The following UGT2B4 variants were observed in gnomAD, a reference collection of about 807,000 sequenced individuals.
The protein encoded by UGT2B4 is UDP glucuronosyltransferase family 2 member B4, also known as UDP-glucuronosyltransferase 2B4.
UGT2B4 carries 49 observed loss-of-function variants against 49.8 expected under a neutral mutation model. The observed-to-expected ratio is 0.98, with a 90% CI of 0.78 to 1.25. The LOEUF (loss-of-function observed/expected upper bound fraction) is 1.25. Ranked by LOEUF, UGT2B4 falls within the 50% of genes most tolerant of loss-of-function variation. The pLI is 0.00. For missense variants in UGT2B4, 729 were observed against 627.7 expected (o/e 1.16, Z -1.73); for synonymous variants, 246 against 217.7 (o/e 1.13, Z -1.14).
At chr4:69,510,990 CT>C (rs113842049) in intron 1 of UGT2B4, among the ~76,000 whole-genome samples, 44,314 of 105,296 alleles carry the variant, frequency 0.42, 6,964 homozygotes, top group East Asian at 0.72. Context: ...TTCTTTTCTT[CT>C]TTTTTTTTTT....
chr4:69,525,945 C>CA (rs1466784784), exon 1 of UGT2B4: 2 of 191,514 alleles, frequency 1.0e-5, no homozygotes, highest in Non-Finnish European at 2.2e-5. Flanking sequence ...ACTAAAAATA[C>CA]AAAAAATTAG....
At chr4:69,493,350 G>A (rs13145834) in intron 2 of UGT2B4, among the ~76,000 whole-genome samples, 28,540 of 152,010 alleles carry the variant, frequency 0.19, 3,045 homozygotes, top group Non-Finnish European at 0.25. Context: ...TGTAAGGTGT[G>A]TTGGGATAGA....
At chr4:69,521,684 T>A (rs7665255) in intron 1 of UGT2B4, among the ~76,000 whole-genome samples, 31,137 of 152,048 alleles carry the variant, frequency 0.2, 3,361 homozygotes, top group Middle Eastern at 0.27. Context: ...GTGGGTAGAA[T>A]GAGTCCAGCA....
In UGT2B4 at chr4:69,495,477, C is replaced by A; in HGVS notation, c.385G>T (p.Asp129Tyr). The change falls in exon 1 of 6, where the codon GAT (aspartate) becomes TAT (tyrosine). Residue 129 changes from aspartate (D) to tyrosine (Y), a missense_variant. Asp to Tyr is a radical substitution (Grantham distance 160, BLOSUM62 -3). Transcript: ENST00000305107. ...FNDILRKFCK[D>Y]IVSNKKLMKK... ...ATAAGTTTCTTATTTGAAACTATAT[C>A]CTTACAGAACTTTCTAAGTATGTCA... 6.2e-7 allele frequency: 1 copy of A among 1,612,434 alleles called. No homozygotes were observed. Among genetic ancestry groups the A allele is most frequent in the African/African-American group, 1.3e-5 (1 of 75,018 alleles).
At chr4:69,506,679 T>A (rs1250728153) in intron 1 of UGT2B4, among the ~76,000 whole-genome samples, 4 of 151,444 alleles carry the variant, frequency 2.6e-5, no homozygotes, top group Admixed American at 2.6e-4. Context: ...ACTAAACCTA[T>A]TTCAAAGAAT....
intron 1 of UGT2B4, 102 bp from the exon 2 acceptor site, chr4:69,493,943 GTGTT>G (rs982252878): frequency 3.4e-5 from 45 of 1,339,922 alleles, no homozygotes; most frequent in African/African-American, 1.1e-4. Context: ...TGTAGGCAAA[GTGTT>G]TGTGCCTTGA....
chr4:69,521,605 C>T (rs1728851237), intron 1 of UGT2B4, among the ~76,000 whole-genome samples: 1 of 152,152 alleles, frequency 6.6e-6, no homozygotes, highest in African/African-American at 2.4e-5. Context: ...GTACTTCATG[C>T]CTAGCTTGAT....
chr4:69,517,187 A>C (rs1249228642), intron 1 of UGT2B4, among the ~76,000 whole-genome samples: 1 of 152,228 alleles, frequency 6.6e-6, no homozygotes, highest in Admixed American at 6.5e-5. Flanking sequence ...CTAGAACCAA[A>C]GTCTTTTAGA....
chr4:69,525,301 T>C (rs1728955701), intron 1 of UGT2B4, among the ~76,000 whole-genome samples: 1 of 152,102 alleles, frequency 6.6e-6, no homozygotes, highest in Admixed American at 6.6e-5. Flanking sequence ...CTTGTCTTGA[T>C]AATAGTAAAT....
chr4:69,523,242 T>C (rs557311471), intron 1 of UGT2B4, among the ~76,000 whole-genome samples: 10 of 152,012 alleles, frequency 6.6e-5, no homozygotes, highest in African/African-American at 2.2e-4. Context: ...TTACAGAACG[T>C]TTTCAATTTA....
chr4:69,513,319 C>A (rs193208684), intron 1 of UGT2B4, among the ~76,000 whole-genome samples: 1 of 152,186 alleles, frequency 6.6e-6, no homozygotes, highest in Non-Finnish European at 1.5e-5. Context: ...CAGCACTCCC[C>A]ACATCATTTA....
chr4:69,507,533 C>A (rs1001803739), intron 1 of UGT2B4, among the ~76,000 whole-genome samples: 1 of 151,880 alleles, frequency 6.6e-6, no homozygotes, highest in African/African-American at 2.4e-5. Context: ...AAATAACCAA[C>A]CAAACAAACA....
At chr4:69,504,401 T>C (rs543620805) in intron 1 of UGT2B4, among the ~76,000 whole-genome samples, 1 of 152,240 alleles carries the variant, frequency 6.6e-6, no homozygotes, top group South Asian at 2.1e-4. Flanking sequence ...TAAAGAAGAA[T>C]GTAACCAATC....
At chr4:69,496,829 G>A (rs979412373), upstream of UGT2B4, among the ~76,000 whole-genome samples, 1 of 151,934 alleles carries the variant, frequency 6.6e-6, no homozygotes. Context: ...TATTTTAAAG[G>A]TTCATTTATG....
At chr4:69,509,616 G>C (rs929898804) in intron 1 of UGT2B4, among the ~76,000 whole-genome samples, 17 of 152,084 alleles carry the variant, frequency 1.1e-4, no homozygotes, top group African/African-American at 4.1e-4. Flanking sequence ...TTATCATACA[G>C]CTGATTGGCC....
At position 69,486,615 on chromosome 4, in the gene UGT2B4, G is replaced by C; in HGVS notation, c.1084C>G (p.Leu362Val). 1 of 1,592,314 alleles carries C rather than the reference G, an allele frequency of 6.3e-7. No homozygotes were observed. The highest frequency in any genetic ancestry group is 8.5e-7 in the Non-Finnish European group (1 of 1,171,450). The change falls in exon 4 of 6, where the codon CTT (leucine) becomes GTT (valine). Residue 362 changes from leucine to valine, a missense_variant. Transcript: ENST00000305107. ...TTGTTCTTCAGAGACTTACCAAGAA[G>C]ATCATTCTGGGGTATCCACTTGTAC... is the stretch of plus-strand genomic sequence containing the variant. ...RLYKWIPQND[L>V]LGHPKTRAFI... is the part of the protein sequence containing the mutation.
At position 69,495,710 on chromosome 4, in the gene UGT2B4, T is replaced by A. The variant is rs749404550; in HGVS notation, c.152A>T (p.His51Leu). ...TILDELVQRGHEVTVLASSAS... is the reference protein window; with the variant it reads ...TILDELVQRGLEVTVLASSAS... The stretch of plus-strand genomic sequence containing the variant: ...TGAAGATGCCAATACAGTCACCTCA[T>A]GACCTCTCTGGACAAGTTCATCCAG... Residue 51 changes from histidine (H) to leucine (L), a missense_variant, in exon 1 of 6, where the codon CAT (histidine) becomes CTT (leucine). Coordinates refer to ENST00000305107, the MANE Select transcript of UGT2B4 (RefSeq NM_021139.3). 1.2e-5 allele frequency: 19 copies of A among 1,613,988 alleles called. No individual in the cohort carries two copies. The highest frequency in any genetic ancestry group is 1.6e-5 in the Non-Finnish European group (19 of 1,179,992).
chr4:69,509,720 A>G (rs1728559608), intron 1 of UGT2B4, among the ~76,000 whole-genome samples: 1 of 151,560 alleles, frequency 6.6e-6, no homozygotes, highest in African/African-American at 2.4e-5. Flanking sequence ...GCTTTTTGTT[A>G]TTGTCACAGT....
intron 1 of UGT2B4, among the ~76,000 whole-genome samples, chr4:69,522,897 A>G (rs1728880295): frequency 6.6e-6 from 1 of 152,178 alleles, no homozygotes; most frequent in Non-Finnish European, 1.5e-5. Flanking sequence ...CTTTGTTGTC[A>G]TCTCAACAAT....
Sources: allele counts gnomAD v4.1 joint callset (sites outside exome capture counted in the v4.1 genomes callset), GRCh38; gene constraint gnomAD v4.1.1; transcripts MANE v1.5; gene names NCBI Gene and HGNC (gene_info 2026-07-23, HGNC 2026-07-21).